Variants in PCDH15 observed in about 807,000 individuals in gnomAD.
PCDH15 encodes the protein protocadherin-15.
PCDH15 carries 129 observed loss-of-function variants against 178.5 expected under a neutral mutation model. The ratio of observed to expected loss-of-function variants is 0.72; its 90% CI spans 0.63 to 0.84. The LOEUF is 0.84. Ranked by LOEUF, PCDH15 falls within the 40% of genes least tolerant of loss-of-function variation. The probability of loss-of-function intolerance (pLI) is 0.00; values close to 1 mark genes in which losing one functional copy is unlikely to be tolerated. For missense variants in PCDH15, 2,230 were observed against 2,099.9 expected (o/e 1.06, Z -1.21); for synonymous variants, 800 against 732.0 (o/e 1.09, Z -1.50).
At chr10:54,053,762 A>C (rs1565135308) in intron 18 of PCDH15, among the ~76,000 whole-genome samples, 1 of 152,162 alleles carries the variant, frequency 6.6e-6, no homozygotes, top group East Asian at 1.9e-4. Context: ...GGGTAATAAT[A>C]ACCATATTGT....
chr10:55,039,232 T>C (rs1840809145), intron 2 of PCDH15, among the ~76,000 whole-genome samples: 1 of 152,030 alleles, frequency 6.6e-6, no homozygotes, highest in Non-Finnish European at 1.5e-5. Context: ...AAAATTAAGA[T>C]GTGAGATACT....
At chr10:54,350,785 A>C (rs1944049821) in intron 5 of PCDH15, among the ~76,000 whole-genome samples, 1 of 152,052 alleles carries the variant, frequency 6.6e-6, no homozygotes. Context: ...CTGAGAGTTT[A>C]AGAGTTTGAG....
At chr10:54,082,719 G>A (rs547317743) in intron 16 of PCDH15, among the ~76,000 whole-genome samples, 1 of 151,270 alleles carries the variant, frequency 6.6e-6, no homozygotes, top group Admixed American at 6.6e-5. Flanking sequence ...CAGATGCACG[G>A]GAAGCAAAGG....
chr10:55,148,468 A>T (rs899805293), intron 2 of PCDH15, among the ~76,000 whole-genome samples: 1 of 151,872 alleles, frequency 6.6e-6, no homozygotes, highest in Non-Finnish European at 1.5e-5. Context: ...GAACTATATC[A>T]TCATATTAAC....
At chr10:54,333,294 G>T (rs937035729) in intron 6 of PCDH15, among the ~76,000 whole-genome samples, 2 of 151,848 alleles carry the variant, frequency 1.3e-5, no homozygotes, top group Non-Finnish European at 2.9e-5. Flanking sequence ...ATAAGAATAG[G>T]ATATACTTTA....
chr10:54,276,397 T>C (rs11004200), intron 8 of PCDH15, among the ~76,000 whole-genome samples: 73,144 of 151,120 alleles, frequency 0.48, 18,742 homozygotes, highest in Non-Finnish European at 0.58. Context: ...TAAGAGAATG[T>C]TGAACAAGTC....
intron 2 of PCDH15, among the ~76,000 whole-genome samples, chr10:55,403,886 A>T (rs1838133370): frequency 6.6e-6 from 1 of 151,968 alleles, no homozygotes; most frequent in African/African-American, 2.4e-5. Flanking sequence ...GTATTCAAGT[A>T]CTTTCTGAGG....
At chr10:53,927,989 T>A (rs1217820582) in intron 25 of PCDH15, among the ~76,000 whole-genome samples, 1 of 152,050 alleles carries the variant, frequency 6.6e-6, no homozygotes, top group Admixed American at 6.6e-5. Context: ...AGAAAGGACA[T>A]TTTAAAAAGA....
chr10:54,560,429 CTT>C (rs1460139329), intron 2 of PCDH15, among the ~76,000 whole-genome samples: 1 of 151,970 alleles, frequency 6.6e-6, no homozygotes, highest in East Asian at 1.9e-4. Flanking sequence ...TTATTTTCCT[CTT>C]GACGTATATT....
chr10:54,025,206 T>C (rs1231942236), intron 18 of PCDH15, among the ~76,000 whole-genome samples: 1 of 152,214 alleles, frequency 6.6e-6, no homozygotes, highest in African/African-American at 2.4e-5. Flanking sequence ...ATATCTAAAT[T>C]AGTTTTGTTT....
intron 2 of PCDH15, among the ~76,000 whole-genome samples, chr10:55,453,179 A>G (rs1839473377): frequency 6.6e-6 from 1 of 152,166 alleles, no homozygotes; most frequent in Non-Finnish European, 1.5e-5. Flanking sequence ...CTGTGCTTTC[A>G]GTCTGCTTTT....
intron 2 of PCDH15, among the ~76,000 whole-genome samples, chr10:55,378,145 C>T (rs1837444646): frequency 1.3e-5 from 2 of 152,002 alleles, no homozygotes; most frequent in African/African-American, 4.8e-5. Context: ...CACCATGGCA[C>T]GTTTATACCT....
chr10:55,283,466 A>G (rs1842786190), intron 1 of PCDH15, among the ~76,000 whole-genome samples: 1 of 151,812 alleles, frequency 6.6e-6, no homozygotes, highest in South Asian at 2.1e-4. Context: ...CTCTTTCTCT[A>G]TTGCAATTCC....
At chr10:54,304,970 A>AGTTG (rs2060376007) in intron 8 of PCDH15, among the ~76,000 whole-genome samples, 1 of 152,086 alleles carries the variant, frequency 6.6e-6, no homozygotes, top group African/African-American at 2.4e-5. Flanking sequence ...GAGCTATTAT[A>AGTTG]GTTGAGTAGT....
intron 3 of PCDH15, among the ~76,000 whole-genome samples, chr10:54,492,936 T>A (rs760729626): frequency 2.0e-5 from 3 of 152,102 alleles, no homozygotes; most frequent in Non-Finnish European, 4.4e-5. Flanking sequence ...CTCACAATAA[T>A]GGTGGAAGGC....
chr10:54,389,451 C>T (rs1468830329), intron 3 of PCDH15, among the ~76,000 whole-genome samples: 4 of 152,100 alleles, frequency 2.6e-5, no homozygotes, highest in African/African-American at 7.2e-5. Flanking sequence ...AGGGTAGAGC[C>T]GTCTAGTTGA....
intron 2 of PCDH15, among the ~76,000 whole-genome samples, chr10:55,551,154 G>C (rs1005315689): frequency 6.6e-6 from 1 of 152,134 alleles, no homozygotes; most frequent in Non-Finnish European, 1.5e-5. Flanking sequence ...ACTAAGAATA[G>C]TGTCACTGCA....
chr10:55,427,315 T>C (rs892835248), intron 2 of PCDH15, among the ~76,000 whole-genome samples: 1 of 152,174 alleles, frequency 6.6e-6, no homozygotes, highest in Non-Finnish European at 1.5e-5. Flanking sequence ...TGTGAACATG[T>C]TGGATACAAA....
rs867417183 is a variant in PCDH15 at position 55,395,196 on chromosome 10, T to A, written c.-155-228545A>T. ...GTGTGTGTGTGTGTGTGTGTGTGTG[T>A]GAGAGAGAGAGAGAGAGAGAGAGAG... On this transcript the variant is annotated intron_variant, in intron 2 of 5. Transcript: ENST00000613346. 5.1e-3 allele frequency among the ~76,000 whole-genome samples: 645 copies of A among 126,682 alleles called. 9 individuals are homozygous for A. Among genetic ancestry groups the A allele is most frequent in the African/African-American group, 0.019 (584 of 31,446 alleles). 83.1% of individuals were successfully genotyped at this position (126,682 alleles called of 152,430 possible). A position where few individuals can be genotyped will look rare whatever the true frequency, so the allele number is the denominator to read the frequency against.
Sources: gnomAD v4.1 joint callset for allele counts (sites outside exome capture counted in the v4.1 genomes callset) on GRCh38, gnomAD v4.1.1 for gene constraint, MANE v1.5 for transcripts, NCBI Gene and HGNC (gene_info 2026-07-23, HGNC 2026-07-21) for gene names.